Variants in NRAP observed in about 807,000 individuals in gnomAD.
NRAP encodes nebulin related anchoring protein.
In NRAP, 189 loss-of-function variants were observed where a neutral mutation model predicts 225.9. The observed-to-expected ratio is 0.84, with a 90% CI of 0.74 to 0.94. The LOEUF is 0.94. Ranked by LOEUF, NRAP falls within the 40% of genes least tolerant of loss-of-function variation. NRAP has a pLI of 0.00. For missense variants in NRAP, 2,176 were observed against 2,168.7 expected (o/e 1.00, Z -0.07); for synonymous variants, 769 against 790.7 (o/e 0.97, Z 0.46).
At chr10:113,648,627 T>C (rs192098479) in intron 9 of NRAP, among the ~76,000 whole-genome samples, 1 of 152,244 alleles carries the variant, frequency 6.6e-6, no homozygotes, top group East Asian at 1.9e-4. Context: ...TTTATAGTTA[T>C]CTGCCTGCTG....
intron 4 of NRAP, 22 bp downstream of exon 4, chr10:113,657,448 C>G (rs774050576): frequency 1.7e-6 from 2 of 1,200,048 alleles, no homozygotes; most frequent in East Asian, 4.7e-5. Flanking sequence ...TTTTCCAAAC[C>G]CACTTGTCAC....
chr10:113,624,042 C>G (rs1848150495), intron 22 of NRAP, among the ~76,000 whole-genome samples: 1 of 152,198 alleles, frequency 6.6e-6, no homozygotes, highest in South Asian at 2.1e-4. Context: ...CCGCCTTCCC[C>G]CAGCCTCTCT....
rs752036414 is a variant in NRAP at position 113,626,111 on chromosome 10, A to G, written c.2180T>C (p.Phe727Ser). 3.7e-6 allele frequency: 6 copies of G among 1,611,870 alleles called. No homozygotes were observed. Among genetic ancestry groups the G allele is most frequent in the Non-Finnish European group, 3.4e-6 (4 of 1,179,252 alleles). ...NYRQRVDELK[F>S]TSVTDSSQME... ...CTGGGAGCTGTCGGTCACGCTGGTG[A>G]ACTTCAGCTCATCGACCCTCTGCCG... Residue 727 changes from phenylalanine (F) to serine (S), a missense_variant, in exon 21 of 42, where the codon TTC becomes TCC. This residue lies in a region of NRAP where 1,708 missense variants were observed against 1,695.5 expected (regional missense o/e 1.01). Coordinates refer to ENST00000359988, the MANE Select transcript of NRAP (RefSeq NM_198060.4).
chr10:113,646,121 G>A (rs1050096464), intron 10 of NRAP, among the ~76,000 whole-genome samples, 180 bp from the exon 11 acceptor site: 1 of 151,332 alleles, frequency 6.6e-6, no homozygotes, highest in Non-Finnish European at 1.5e-5. Context: ...GTCCTTTTTT[G>A]TTATTAAAAT....
rs1225796656 is a variant in NRAP, at chr10:113,662,769, A to G, written c.168-3T>C. On this transcript the variant is annotated splice_polypyrimidine_tract_variant and splice_region_variant and intron_variant, in intron 2 of 41. Coordinates refer to ENST00000359988, the MANE Select transcript of NRAP (RefSeq NM_198060.4). ...AAGTGTTGTTCTTAGGGTTATGGCT[A>G]CAACAAATAGGTATAAATCAAAATT... 3 of 1,506,408 alleles carry G rather than the reference A, an allele frequency of 2.0e-6. No homozygotes were observed. The highest frequency in any genetic ancestry group is 2.8e-5 in the African/African-American group (2 of 72,572). 93.3% of individuals were successfully genotyped at this position (1,506,408 alleles called of 1,614,324 possible).
chr10:113,592,355 C>A, intron 38 of NRAP, 54 bp from the exon 39 acceptor site: 1 of 1,214,602 alleles, frequency 8.2e-7, no homozygotes, highest in Non-Finnish European at 1.2e-6. Flanking sequence ...CACTGTCTTC[C>A]ATGTTGCTGG....
chr10:113,589,630 TG>T (rs1465138609), intron 41 of NRAP, 35 bp downstream of exon 41: 1 of 1,458,176 alleles, frequency 6.9e-7, no homozygotes, highest in African/African-American at 2.7e-5. Flanking sequence ...CCCATGGCCT[TG>T]CAAGCCAGGG....
At chr10:113,591,167 C>A (rs1291869682) in intron 39 of NRAP, among the ~76,000 whole-genome samples, 1 of 152,234 alleles carries the variant, frequency 6.6e-6, no homozygotes, top group African/African-American at 2.4e-5. Context: ...TCATGTCTGG[C>A]ATCAGCTCTG....
intron 32 of NRAP, among the ~76,000 whole-genome samples, chr10:113,607,867 A>C (rs967413103): frequency 1.3e-5 from 2 of 152,246 alleles, no homozygotes; most frequent in African/African-American, 4.8e-5. Flanking sequence ...CTTCCCTTGC[A>C]CCTGCCCTCT....
At chr10:113,660,469 C>A (rs1850606893) in intron 3 of NRAP, among the ~76,000 whole-genome samples, 1 of 152,194 alleles carries the variant, frequency 6.6e-6, no homozygotes, top group Admixed American at 6.5e-5. Context: ...ACATCACTGT[C>A]TGTGGCTGGA....
chr10:113,636,342 G>C (rs1848867866), intron 14 of NRAP, among the ~76,000 whole-genome samples: 1 of 152,162 alleles, frequency 6.6e-6, no homozygotes, highest in South Asian at 2.1e-4. Flanking sequence ...TGTCTGTCTA[G>C]ACTACAGCCT....
At chr10:113,612,790 C>T (rs1847414135) in intron 29 of NRAP, among the ~76,000 whole-genome samples, 1 of 152,240 alleles carries the variant, frequency 6.6e-6, no homozygotes, top group Non-Finnish European at 1.5e-5. Flanking sequence ...CCCTGCCCAC[C>T]ATATTTTTTC....
intron 6 of NRAP, among the ~76,000 whole-genome samples, chr10:113,652,128 A>T (rs981233248): frequency 2.0e-5 from 3 of 151,862 alleles, no homozygotes; most frequent in African/African-American, 7.3e-5. Flanking sequence ...ACAAATATTA[A>T]CTTGCTTAAT....
At chr10:113,631,826 T>G (rs571388738) in intron 17 of NRAP, 31 bp downstream of exon 17, 21 of 1,345,176 alleles carry the variant, frequency 1.6e-5, no homozygotes, top group Non-Finnish European at 1.8e-5. Context: ...CCATTTCTTA[T>G]GCATTCCTGA....
At chr10:113,626,736 C>T (rs1332663887) in intron 20 of NRAP, among the ~76,000 whole-genome samples, 1 of 152,190 alleles carries the variant, frequency 6.6e-6, no homozygotes, top group African/African-American at 2.4e-5. Flanking sequence ...AGGAAGGAGA[C>T]ACAGAGCCAC....
rs770785299 is a variant in NRAP, at chr10:113,612,382, G to T, written c.3350C>A (p.Pro1117Gln). The T allele has an allele frequency of 9.9e-6, 16 of 1,614,042 alleles. No homozygotes were observed. The highest frequency in any genetic ancestry group is 6.7e-5 in the African/African-American group (5 of 74,924). The change falls in exon 30 of 42, where the codon CCG becomes CAG. Residue 1117 changes from proline (P) to glutamine (Q), a missense_variant. Coordinates refer to ENST00000359988, the MANE Select transcript of NRAP (RefSeq NM_198060.4). ...ATGCACCAGGGCGGCCATGTCCAAC[G>T]GCAGATGGAACTGCGCCTTTGAGTG... is the stretch of plus-strand genomic sequence containing the variant. ...FEHSKAQFHL[P>Q]LDMAALVHAK... is the part of the protein sequence containing the mutation.
chr10:113,617,531 T>G lies in NRAP; in HGVS notation c.2897A>C (p.Asp966Ala). 6.2e-7 allele frequency: 1 copy of G among 1,610,724 alleles called. No homozygotes were observed. Among genetic ancestry groups the G allele is most frequent in the Non-Finnish European group, 8.5e-7 (1 of 1,177,008 alleles). The change falls in exon 26 of 42, where the codon GAT (aspartate) becomes GCT (alanine). Residue 966 changes from aspartate (D) to alanine (A), a missense_variant. Physicochemically the swap from Asp to Ala is moderately radical, Grantham distance 126. Coordinates refer to ENST00000359988, the MANE Select transcript of NRAP (RefSeq NM_198060.4). ...TTTAATACTGGTAAACTTCAAAGCA[T>G]CTGGATGCTGACGGTACTTCTTCTG... Reference protein sequence around the residue: ...ISEKKYRQHPDALKFTSIKDT... With the variant: ...ISEKKYRQHPAALKFTSIKDT...
rs780423751 is a variant in NRAP at position 113,614,962 on chromosome 10, G to A, written c.3079-16C>T. The A allele has an allele frequency of 2.0e-6, 3 of 1,477,038 alleles. No individual in the cohort carries two copies. Among genetic ancestry groups the A allele is most frequent in the South Asian group, 2.3e-5 (2 of 88,576 alleles). 91.5% of individuals were successfully genotyped at this position (1,477,038 alleles called of 1,614,324 possible). ...TATAACGCGTCTGTCGGGAAGATGT[G>A]CACAAGGAAAGACCTTTAAGTGACC... On this transcript the variant is annotated splice_polypyrimidine_tract_variant and intron_variant, in intron 27 of 41. Transcript: ENST00000359988.
At chr10:113,607,001 G>A (rs760090891) in intron 32 of NRAP, among the ~76,000 whole-genome samples, 4 of 152,062 alleles carry the variant, frequency 2.6e-5, no homozygotes, top group Non-Finnish European at 4.4e-5. Flanking sequence ...TCAGGAGTTC[G>A]AGACCAGCCT....
Sources: gnomAD v4.1 joint callset for allele counts (sites outside exome capture counted in the v4.1 genomes callset) on GRCh38, gnomAD v4.1.1 for gene constraint, gnomAD v4.1.1 regional missense constraint, MANE v1.5 for transcripts, NCBI Gene and HGNC (gene_info 2026-07-23, HGNC 2026-07-21) for gene names.